The following BICRA variants were observed in gnomAD, a reference collection of about 807,000 sequenced individuals.
The protein encoded by BICRA is BRD4-interacting chromatin-remodeling complex-associated protein.
In BICRA, 31 loss-of-function variants were observed where a neutral mutation model predicts 96.9. The observed-to-expected ratio is 0.32, with a 90% CI of 0.24 to 0.43. The LOEUF (loss-of-function observed/expected upper bound fraction) is 0.43, where lower values mean the gene tolerates loss of function less well. Ranked by LOEUF, BICRA falls within the 20% of genes least tolerant of loss-of-function variation. The probability of loss-of-function intolerance (pLI) is 1.00; values close to 1 mark genes in which losing one functional copy is unlikely to be tolerated. For missense variants in BICRA, 2,283 were observed against 2,190.3 expected (o/e 1.04, Z -0.84); for synonymous variants, 1,350 against 1,071.8 (o/e 1.26, Z -5.07).
intron 1 of BICRA, among the ~76,000 whole-genome samples, chr19:47,612,785 A>G (rs1216386805): frequency 6.6e-6 from 1 of 152,086 alleles, no homozygotes; most frequent in Non-Finnish European, 1.5e-5. Flanking sequence ...GACGGCAGAG[A>G]CTAGTGGTGG....
At chr19:47,609,484 C>A (rs1971863346) in intron 1 of BICRA, among the ~76,000 whole-genome samples, 2 of 151,140 alleles carry the variant, frequency 1.3e-5, no homozygotes, top group Non-Finnish European at 3.0e-5. Context: ...GGGACCCCCC[C>A]CCAACCGGCT....
chr19:47,670,375 C>T (rs369287955), intron 1 of BICRA, 68 bp from the exon 2 acceptor site: 1 of 152,438 alleles, frequency 6.6e-6, no homozygotes, highest in African/African-American at 2.4e-5. Context: ...CTCTGTCCGT[C>T]TCTGACCACG....
chr19:47,652,002 C>T (rs757399794), intron 1 of BICRA, among the ~76,000 whole-genome samples: 11 of 152,178 alleles, frequency 7.2e-5, no homozygotes, highest in Non-Finnish European at 1.5e-4. Context: ...GCTGTAAGAC[C>T]CAGGCCTGTG....
chr19:47,617,526 G>T (rs1972003845), intron 1 of BICRA, among the ~76,000 whole-genome samples: 1 of 151,782 alleles, frequency 6.6e-6, no homozygotes, highest in Non-Finnish European at 1.5e-5. Flanking sequence ...ACCACACACG[G>T]CTAATTGTTG....
intron 5 of BICRA, chr19:47,679,102 G>T (rs1972985506): frequency 2.5e-6 from 1 of 404,830 alleles, no homozygotes; most frequent in African/African-American, 2.1e-5. Flanking sequence ...TCACTGCGTT[G>T]CCCAGGCTGG....
chr19:47,631,664 C>T (rs1040355233), intron 1 of BICRA, among the ~76,000 whole-genome samples: 2 of 151,998 alleles, frequency 1.3e-5, no homozygotes, highest in African/African-American at 2.4e-5. Flanking sequence ...CGCACTCGGC[C>T]GATTTATGTT....
intron 2 of BICRA, among the ~76,000 whole-genome samples, chr19:47,671,464 C>A (rs1164042438): frequency 6.6e-6 from 1 of 152,170 alleles, no homozygotes; most frequent in African/African-American, 2.4e-5. Flanking sequence ...AAATTCCCAC[C>A]ATTCAGGGAT....
intron 1 of BICRA, among the ~76,000 whole-genome samples, chr19:47,610,611 C>G (rs1010330984): frequency 7.2e-6 from 1 of 138,690 alleles, no homozygotes; most frequent in African/African-American, 3.1e-5. Flanking sequence ...TTTTGTCACC[C>G]CCCCCCCACA....
intron 1 of BICRA, among the ~76,000 whole-genome samples, chr19:47,626,793 C>G (rs1972147916): frequency 6.8e-6 from 1 of 147,790 alleles, no homozygotes; most frequent in South Asian, 2.1e-4. Flanking sequence ...GTGATCTCAG[C>G]TCACTGCAAC....
intron 1 of BICRA, among the ~76,000 whole-genome samples, chr19:47,615,331 G>A (rs1043283193): frequency 2.0e-5 from 3 of 152,174 alleles, no homozygotes; most frequent in African/African-American, 7.2e-5. Context: ...CCTCTTCAAT[G>A]TGATCCCACC....
At chr19:47,696,408 G>C in intron 10 of BICRA, 43 bp from the exon 11 acceptor site, 1 of 1,545,500 alleles carries the variant, frequency 6.5e-7, no homozygotes, top group South Asian at 1.2e-5. Context: ...GGGAGGGAAG[G>C]CTTCTGGAGG....
Position 47,680,173 on chromosome 19 carries a change from C to G in BICRA, c.1003C>G (p.Pro335Ala). Residue 335 changes from proline to alanine, a missense_variant, in exon 6 of 15, where the codon CCA (proline) becomes GCA (alanine). Pro to Ala is a conservative substitution (Grantham distance 27, BLOSUM62 -1). Transcript: ENST00000594866. ...LAVAPGLGSS[P>A]LVPAPNVILH... Reference sequence around the variant, plus strand: ...GGTGGCCCCAGGCCTCGGCTCGTCGCCACTGGTCCCGGCGCCCAACGTGAT... The same window carrying G: ...GGTGGCCCCAGGCCTCGGCTCGTCGGCACTGGTCCCGGCGCCCAACGTGAT... 6.5e-7 allele frequency: 1 copy of G among 1,539,140 alleles called. No individual in the cohort carries two copies. Among genetic ancestry groups the G allele is most frequent in the Non-Finnish European group, 8.7e-7 (1 of 1,151,582 alleles).
Position 47,699,356 on chromosome 19 carries a change from G to A in BICRA, c.3546G>A (p.Glu1182=), listed in dbSNP as rs1293330302. 2 of 1,571,234 alleles carry A rather than the reference G, an allele frequency of 1.3e-6. No individual in the cohort carries two copies. Among genetic ancestry groups the A allele is most frequent in the Non-Finnish European group, 8.6e-7 (1 of 1,158,374 alleles). ...MVMIDRMFIQ[E]EKTTLALDKQ... Reference sequence around the variant, plus strand: ...TGATCGACCGAATGTTCATTCAGGAGGAGAAGACCACCCTTGCCTTGGATA... The same window carrying A: ...TGATCGACCGAATGTTCATTCAGGAAGAGAAGACCACCCTTGCCTTGGATA... The change falls in exon 14 of 15, where the codon GAG becomes GAA. Residue 1182 remains glutamate, a synonymous_variant. Transcript: ENST00000594866. The surrounding 1 kb of genome is among the most constrained non-coding windows in gnomAD (Gnocchi z 5.0).
chr19:47,638,613 TCACACACACA>T (rs34512769), intron 1 of BICRA, among the ~76,000 whole-genome samples: 39 of 149,932 alleles, frequency 2.6e-4, no homozygotes, highest in African/African-American at 6.1e-4. Flanking sequence ...TCTCTCTCTG[TCACACACACA>T]CACACACACA....
At chr19:47,645,794 T>C (rs904825265) in intron 1 of BICRA, among the ~76,000 whole-genome samples, 1 of 152,096 alleles carries the variant, frequency 6.6e-6, no homozygotes, top group Non-Finnish European at 1.5e-5. Context: ...AGAGACATAT[T>C]TTGAGAGCTG....
intron 1 of BICRA, among the ~76,000 whole-genome samples, chr19:47,625,379 C>G (rs1017604259): frequency 2.0e-5 from 3 of 151,582 alleles, no homozygotes; most frequent in African/African-American, 4.9e-5. Flanking sequence ...TCACTGTGGC[C>G]TCCAACTCTT....
intron 1 of BICRA, among the ~76,000 whole-genome samples, chr19:47,627,421 A>T (rs1021702525): frequency 3.9e-5 from 6 of 152,186 alleles, no homozygotes; most frequent in Admixed American, 1.3e-4. Flanking sequence ...GTCAACGGAA[A>T]TGCTGCATTT....
chr19:47,641,070 ATTT>A (rs71180861), intron 1 of BICRA, among the ~76,000 whole-genome samples: 20,705 of 103,982 alleles, frequency 0.2, 1,070 homozygotes, highest in Middle Eastern at 0.3. Context: ...TGCCTGGCTA[ATTT>A]TTTTTTTTTT....
chr19:47,647,819 T>C (rs1227931452), intron 1 of BICRA, among the ~76,000 whole-genome samples: 18 of 151,496 alleles, frequency 1.2e-4, no homozygotes, highest in Non-Finnish European at 2.9e-5. Context: ...TTGACCACAC[T>C]GCACGGGGAT....
Sources: gnomAD v4.1 joint callset for allele counts (sites outside exome capture counted in the v4.1 genomes callset) on GRCh38, gnomAD v4.1.1 for gene constraint, Gnocchi (gnomAD v3.1) non-coding constraint, MANE v1.5 for transcripts, NCBI Gene and HGNC (gene_info 2026-07-23, HGNC 2026-07-21) for gene names.